The following TEKT5 variants were observed in gnomAD, a reference collection of about 807,000 sequenced individuals.
TEKT5 encodes tektin-5.
Under a neutral mutation model 48.7 loss-of-function variants are expected in TEKT5, and 52 were observed. The ratio of observed to expected loss-of-function variants is 1.07; its 90% CI spans 0.86 to 1.35. TEKT5 has a LOEUF of 1.35. TEKT5 is among the 40% of genes most tolerant of loss of function. The pLI is 0.00. For synonymous variants in TEKT5, 318 were observed against 267.6 expected (o/e 1.19, Z -1.84); for missense variants, 831 against 641.6 (o/e 1.30, Z -3.19).
Position 10,676,117 on chromosome 16 carries a change from G to A in TEKT5, c.928C>T (p.Arg310Trp), listed in dbSNP as rs150053960. 6.1e-5 allele frequency: 99 copies of A among 1,614,202 alleles called. No homozygotes were observed. Among genetic ancestry groups the A allele is most frequent in the African/African-American group, 6.7e-5 (5 of 75,050 alleles). ...NDNIKHSQNM[R>W]ANSIQLREEA... is the part of the protein sequence containing the mutation. ...TCCCGCAGCTGGATGGAGTTGGCCC[G>A]CATGTTCTGAGAGTGTTTGATGTTG... Residue 310 changes from arginine to tryptophan, a missense_variant, in exon 5 of 7, where the codon CGG becomes TGG. By Grantham distance (101) the Arg-to-Trp change is moderately radical (BLOSUM62 -3). Transcript: ENST00000283025.
rs1225983033 is a variant in TEKT5, at chr16:10,627,756, G to A, written c.1285C>T (p.Leu429Phe). 5 of 1,614,260 alleles carry A rather than the reference G, an allele frequency of 3.1e-6. No homozygotes were observed. Among genetic ancestry groups the A allele is most frequent in the Admixed American group, 3.3e-5 (2 of 60,030 alleles). ...VFTIDDTLQT[L>F]KLRLRETQDT... ...TGTGTCTCCCGCAGCCGCAGCTTGA[G>A]GGTCTGCAGGGTGTCGTCGATGGTG... The change falls in exon 7 of 7, where the codon CTC (leucine) becomes TTC (phenylalanine). Residue 429 changes from leucine to phenylalanine, a missense_variant. Coordinates refer to ENST00000283025, the MANE Select transcript of TEKT5 (RefSeq NM_144674.2).
intron 4 of TEKT5, among the ~76,000 whole-genome samples, chr16:10,676,917 G>C (rs1898656642): frequency 6.9e-6 from 1 of 144,348 alleles, no homozygotes; most frequent in Non-Finnish European, 1.5e-5. Context: ...GGCTGGGCCA[G>C]CCATGCCTCT....
rs781092838 is a variant in TEKT5, at chr16:10,694,431, A to G, written c.443T>C (p.Ile148Thr). The change falls in exon 1 of 7, where the codon ATT becomes ACT. Residue 148 changes from isoleucine (I) to threonine (T), a missense_variant. Physicochemically the swap from Ile to Thr is moderately conservative, Grantham distance 89. Coordinates refer to ENST00000283025, the MANE Select transcript of TEKT5 (RefSeq NM_144674.2). Reference sequence around the variant, plus strand: ...GCTCAGCTCTGACTTCCAGAAGCCAATGTCCGACAGCCTCTGGCCCAGGTT... The same window carrying G: ...GCTCAGCTCTGACTTCCAGAAGCCAGTGTCCGACAGCCTCTGGCCCAGGTT... ...CRNLGQRLSD[I>T]GFWKSELSYE... The G allele has an allele frequency of 6.2e-7, 1 of 1,614,150 alleles. No individual in the cohort carries two copies. The highest frequency in any genetic ancestry group is 2.2e-5 in the East Asian group (1 of 44,880).
intron 5 of TEKT5, among the ~76,000 whole-genome samples, chr16:10,641,471 G>C (rs1394112431): frequency 6.6e-6 from 1 of 152,130 alleles, no homozygotes; most frequent in African/African-American, 2.4e-5. Context: ...ATTATAAGCA[G>C]GCACTAGAAA....
At chr16:10,660,754 G>A (rs1027527910) in intron 5 of TEKT5, among the ~76,000 whole-genome samples, 17 of 151,868 alleles carry the variant, frequency 1.1e-4, no homozygotes, top group Admixed American at 6.6e-5. Flanking sequence ...AGGCTGGAGT[G>A]CAGTGGCATG....
chr16:10,648,923 A>G (rs565084046), intron 5 of TEKT5, among the ~76,000 whole-genome samples: 1 of 152,200 alleles, frequency 6.6e-6, no homozygotes, highest in Non-Finnish European at 1.5e-5. Flanking sequence ...TTTATTGAAG[A>G]GACCTGAAGT....
chr16:10,692,194 C>A (rs141233292), intron 1 of TEKT5, among the ~76,000 whole-genome samples: 5 of 152,236 alleles, frequency 3.3e-5, no homozygotes, highest in Non-Finnish European at 5.9e-5. Context: ...ACTTTCCAGA[C>A]AGGATGGGGG....
At chr16:10,667,606 C>T (rs1413843667) in intron 5 of TEKT5, among the ~76,000 whole-genome samples, 1 of 152,192 alleles carries the variant, frequency 6.6e-6, no homozygotes, top group Admixed American at 6.5e-5. Context: ...TCATTCTTTG[C>T]TCAATTAAAT....
At chr16:10,663,332 G>A (rs1218402132) in intron 5 of TEKT5, among the ~76,000 whole-genome samples, 1 of 152,092 alleles carries the variant, frequency 6.6e-6, no homozygotes, top group Non-Finnish European at 1.5e-5. Flanking sequence ...TTTTTGATGT[G>A]GAAGGAAAAA....
rs1159646742 is a variant in TEKT5, at chr16:10,690,041, G to A, written c.565-16C>T. The A allele has an allele frequency of 6.2e-7, 1 of 1,613,328 alleles. No individual in the cohort carries two copies. Among genetic ancestry groups the A allele is most frequent in the Non-Finnish European group, 8.5e-7 (1 of 1,179,696 alleles). ...CCAAGGCCACCTGTGGGAAGCAGCA[G>A]AAAGAACGTATTCTTCCTGTAGCTG... On this transcript the variant is annotated splice_polypyrimidine_tract_variant and intron_variant, in intron 1 of 6. Transcript: ENST00000283025.
At chr16:10,683,920 T>C (rs1050706027) in intron 3 of TEKT5, among the ~76,000 whole-genome samples, 13 of 152,216 alleles carry the variant, frequency 8.5e-5, no homozygotes, top group African/African-American at 3.1e-4. Context: ...TGTAAATAAA[T>C]GTATGATAAA....
intron 5 of TEKT5, among the ~76,000 whole-genome samples, chr16:10,637,798 C>T (rs2430643): frequency 0.052 from 7,863 of 152,186 alleles, 586 homozygotes; most frequent in African/African-American, 0.17. Flanking sequence ...GTGTTGGGTA[C>T]ATGAAAGTCT....
intron 5 of TEKT5, among the ~76,000 whole-genome samples, chr16:10,660,599 T>G (rs1111490): frequency 0.14 from 21,067 of 151,418 alleles, 1,641 homozygotes; most frequent in African/African-American, 0.2. Flanking sequence ...CTCCCACACA[T>G]GCCCAGAGCC....
chr16:10,640,305 G>A (rs1364083039), intron 5 of TEKT5, among the ~76,000 whole-genome samples: 1 of 152,046 alleles, frequency 6.6e-6, no homozygotes, highest in Non-Finnish European at 1.5e-5. Context: ...ACCACACTCA[G>A]CTAACTTTCT....
chr16:10,684,580 G>A (rs923046021), intron 3 of TEKT5, among the ~76,000 whole-genome samples: 1 of 152,132 alleles, frequency 6.6e-6, no homozygotes, highest in Non-Finnish European at 1.5e-5. Flanking sequence ...CAGAGTCCTG[G>A]AGAAATGGGG....
intron 5 of TEKT5, among the ~76,000 whole-genome samples, chr16:10,655,761 C>T (rs1898250572): frequency 6.6e-6 from 1 of 152,154 alleles, no homozygotes; most frequent in Admixed American, 6.5e-5. Flanking sequence ...GGTGGAGCTC[C>T]AGCAGCCTCC....
chr16:10,688,062 T>C (rs759159282), intron 3 of TEKT5, among the ~76,000 whole-genome samples: 2 of 152,232 alleles, frequency 1.3e-5, no homozygotes, highest in African/African-American at 2.4e-5. Context: ...TGCTTAAGGT[T>C]TTTTTAAGTG....
intron 5 of TEKT5, among the ~76,000 whole-genome samples, chr16:10,663,043 C>A (rs570286614): frequency 6.6e-6 from 1 of 152,282 alleles, no homozygotes; most frequent in Non-Finnish European, 1.5e-5. Flanking sequence ...CTCCATCCAC[C>A]CACTCACCCT....
chr16:10,675,861 CA>C, intron 5 of TEKT5, 97 bp downstream of exon 5: 1 of 1,255,600 alleles, frequency 8.0e-7, no homozygotes, highest in East Asian at 2.3e-5. Flanking sequence ...GCTTTGGCAC[CA>C]GGGGCAGGGC....
Sources: allele counts gnomAD v4.1 joint callset (sites outside exome capture counted in the v4.1 genomes callset), GRCh38; gene constraint gnomAD v4.1.1; transcripts MANE v1.5; gene names NCBI Gene and HGNC (gene_info 2026-07-23, HGNC 2026-07-21).